Variants in CAMTA1 observed in about 807,000 individuals in gnomAD.
The protein encoded by CAMTA1 is calmodulin-binding transcription activator 1.
In CAMTA1, 27 loss-of-function variants were observed where a neutral mutation model predicts 170.9. The ratio of observed to expected loss-of-function variants is 0.16; its 90% CI spans 0.12 to 0.22. The LOEUF is 0.22. Ranked by LOEUF, CAMTA1 falls within the 10% of genes least tolerant of loss-of-function variation. CAMTA1 has a pLI of 1.00. For synonymous variants in CAMTA1, 833 were observed against 891.5 expected (o/e 0.93, Z 1.17); for missense variants, 1,619 against 2,217.2 (o/e 0.73, Z 5.42).
chr1:7,711,039 C>T (rs1004381554), intron 11 of CAMTA1, among the ~76,000 whole-genome samples: 1 of 152,174 alleles, frequency 6.6e-6, no homozygotes, highest in African/African-American at 2.4e-5. Flanking sequence ...GTTCAGGCTG[C>T]TCTAACAAAG....
At chr1:7,033,453 T>C (rs949963402) in intron 3 of CAMTA1, among the ~76,000 whole-genome samples, 2 of 152,112 alleles carry the variant, frequency 1.3e-5, no homozygotes, top group African/African-American at 2.4e-5. Context: ...TCTGGTTTGG[T>C]TGTGATTGAT....
intron 3 of CAMTA1, among the ~76,000 whole-genome samples, chr1:6,948,033 C>T (rs1344980635): frequency 6.6e-6 from 1 of 152,062 alleles, no homozygotes; most frequent in East Asian, 1.9e-4. Flanking sequence ...TGCCTAATTT[C>T]TCCACCTAGA....
chr1:7,015,810 G>C (rs1161187369), intron 3 of CAMTA1, among the ~76,000 whole-genome samples: 2 of 150,752 alleles, frequency 1.3e-5, no homozygotes, highest in African/African-American at 2.5e-5. Flanking sequence ...GGGGAAGCAG[G>C]CATGTCCTGC....
intron 6 of CAMTA1, among the ~76,000 whole-genome samples, chr1:7,575,414 A>G (rs537586548): frequency 3.8e-4 from 58 of 152,270 alleles, no homozygotes; most frequent in Non-Finnish European, 7.4e-4. Context: ...CAGGCCCCAT[A>G]TCAAGCTAAG....
chr1:7,483,903 T>A (rs1223186609), intron 6 of CAMTA1, among the ~76,000 whole-genome samples: 2 of 152,116 alleles, frequency 1.3e-5, no homozygotes, highest in Non-Finnish European at 2.9e-5. Context: ...TCCACACACC[T>A]CCTGGGCCTG....
intron 6 of CAMTA1, among the ~76,000 whole-genome samples, chr1:7,639,713 G>C (rs749472266): frequency 4.6e-5 from 7 of 152,030 alleles, no homozygotes; most frequent in Non-Finnish European, 1.0e-4. Context: ...AGAGGTTGCA[G>C]TGAACTGAGA....
chr1:7,423,469 CAAAAAAAAAAAA>C (rs1016382434), intron 5 of CAMTA1, among the ~76,000 whole-genome samples: 1 of 47,890 alleles, frequency 2.1e-5, no homozygotes, highest in Non-Finnish European at 4.8e-5. Context: ...AACTCCATCT[CAAAAAAAAAAAA>C]AAAAAAAAAG....
At chr1:7,336,050 C>G (rs1379880589) in intron 5 of CAMTA1, among the ~76,000 whole-genome samples, 1 of 152,210 alleles carries the variant, frequency 6.6e-6, no homozygotes, top group Non-Finnish European at 1.5e-5. Context: ...ATTCATTATC[C>G]CACTGAAACA....
intron 1 of CAMTA1, among the ~76,000 whole-genome samples, chr1:6,813,918 C>T (rs952086159): frequency 1.3e-5 from 2 of 152,162 alleles, no homozygotes; most frequent in Non-Finnish European, 2.9e-5. Context: ...TAGTAAATTC[C>T]ACCACCATCA....
At chr1:6,788,383 C>T (rs12753357) in intron 1 of CAMTA1, among the ~76,000 whole-genome samples, 2 of 152,108 alleles carry the variant, frequency 1.3e-5, no homozygotes, top group Admixed American at 1.3e-4. Context: ...AGTGGCTCAT[C>T]GGAGATTGGG....
intron 6 of CAMTA1, among the ~76,000 whole-genome samples, chr1:7,564,782 A>G (rs1207459212): frequency 1.3e-5 from 2 of 152,060 alleles, no homozygotes; most frequent in Non-Finnish European, 2.9e-5. Context: ...GAAGCAGAGG[A>G]GGACAAGCAA....
intron 4 of CAMTA1, among the ~76,000 whole-genome samples, chr1:7,199,850 G>A (rs1656326258): frequency 6.6e-6 from 1 of 152,034 alleles, no homozygotes; most frequent in African/African-American, 2.4e-5. Context: ...CCTCATACCC[G>A]CCACCAGCTT....
intron 5 of CAMTA1, among the ~76,000 whole-genome samples, chr1:7,305,546 G>A (rs1248951704): frequency 1.3e-5 from 2 of 151,888 alleles, no homozygotes; most frequent in African/African-American, 4.8e-5. Context: ...AAACTTTTGA[G>A]ACCAGTACTT....
intron 4 of CAMTA1, among the ~76,000 whole-genome samples, chr1:7,121,839 T>TCTTTGGGAGTGACTCTGTGTC (rs1403185532): frequency 3.8e-4 from 58 of 151,996 alleles, no homozygotes; most frequent in Non-Finnish European, 7.1e-4. Context: ...GCCACGTGGC[T>TCTTTGGGAGTGACTCTGTGTC]CTTTGGGAGT....
rs2096787771 is a variant in CAMTA1 at position 7,738,587 on chromosome 1, C to G, written c.4182+105C>G. 3.1e-6 allele frequency: 4 copies of G among 1,301,220 alleles called. No homozygotes were observed. Among genetic ancestry groups the G allele is most frequent in the Non-Finnish European group, 4.2e-6 (4 of 962,354 alleles). The allele number at this position is 1,301,220 out of a possible 1,614,324, so 80.6% of individuals were successfully genotyped here. A position where few individuals can be genotyped will look rare whatever the true frequency, so the allele number is the denominator to read the frequency against. ...TTGTGTCATTTTCCTCCCCGTGAAG[C>G]CTTCGAAGTTGGCTTTGTGCAGAAC... is the stretch of plus-strand genomic sequence containing the variant. On this transcript the variant is annotated intron_variant, in intron 16 of 22. Coordinates refer to ENST00000303635, the MANE Select transcript of CAMTA1 (RefSeq NM_015215.4). This position sits in a 1 kb window ranked among gnomAD's most constrained non-coding sequence, Gnocchi z 4.9.
intron 12 of CAMTA1, among the ~76,000 whole-genome samples, chr1:7,735,722 A>G (rs1454283802): frequency 1.3e-5 from 2 of 152,104 alleles, no homozygotes; most frequent in African/African-American, 4.8e-5. Context: ...GAAGCTAAGC[A>G]CATTCTAGTC....
rs2096775405 is a variant in CAMTA1 at position 7,736,723 on chromosome 1, A to G, written c.3263+183A>G. On this transcript the variant is annotated intron_variant, in intron 13 of 22. Transcript: ENST00000303635. The surrounding 1 kb of genome is among the most constrained non-coding windows in gnomAD (Gnocchi z 4.5). The stretch of plus-strand genomic sequence containing the variant: ...ATAAACTTCTTCCCAAGAAATACCC[A>G]GAGAGATAAGAATTAAATGTTGGAC... Among the ~76,000 whole-genome samples the G allele has an allele frequency of 6.6e-6, 1 of 152,202 alleles. No individual in the cohort carries two copies. Among genetic ancestry groups the G allele is most frequent in the Admixed American group, 6.5e-5 (1 of 15,278 alleles).
rs951099086 is a variant in CAMTA1, at chr1:7,225,515, C to T, written c.303-23976C>T. ...TTAAGGCATTGGATTTCCCTTGGAA[C>T]TTCCCTTTCCTGGGGTTGTGGGTGG... On this transcript the variant is annotated intron_variant, in intron 4 of 22. Coordinates refer to ENST00000303635, the MANE Select transcript of CAMTA1 (RefSeq NM_015215.4). 1.2e-4 allele frequency among the ~76,000 whole-genome samples: 18 copies of T among 152,228 alleles called. 1 individual carries two copies. The highest frequency in any genetic ancestry group is 4.3e-4 in the African/African-American group (18 of 41,468).
intron 6 of CAMTA1, among the ~76,000 whole-genome samples, chr1:7,505,564 C>A (rs1473386297): frequency 1.3e-5 from 2 of 152,192 alleles, no homozygotes; most frequent in African/African-American, 2.4e-5. Flanking sequence ...AGGCCACCCA[C>A]CCAGGGCTGC....
Sources: gnomAD v4.1 joint callset for allele counts (sites outside exome capture counted in the v4.1 genomes callset) on GRCh38, gnomAD v4.1.1 for gene constraint, Gnocchi (gnomAD v3.1) non-coding constraint, MANE v1.5 for transcripts, NCBI Gene and HGNC (gene_info 2026-07-23, HGNC 2026-07-21) for gene names.